Variants in SNX10 observed in about 807,000 individuals in gnomAD.
SNX10 encodes the protein sorting nexin-10.
A neutral mutation model predicts 28.5 loss-of-function variants in SNX10; 25 were observed. The ratio of observed to expected loss-of-function variants is 0.88; its 90% CI spans 0.64 to 1.22. The LOEUF is 1.22. Ranked by LOEUF, SNX10 falls within the 50% of genes most tolerant of loss-of-function variation. The probability of loss-of-function intolerance (pLI) is 0.00; values close to 1 mark genes in which losing one functional copy is unlikely to be tolerated. For missense variants in SNX10, 223 were observed against 242.6 expected, an observed-to-expected ratio of 0.92 and a Z score of 0.54; for synonymous variants, 62 against 81.4, an observed-to-expected ratio of 0.76 and a Z score of 1.28.
At chr7:26,335,447 G>T (rs1041943649) in intron 1 of SNX10, among the ~76,000 whole-genome samples, 1 of 152,160 alleles carries the variant, frequency 6.6e-6, no homozygotes, top group Non-Finnish European at 1.5e-5. Flanking sequence ...GTGCCAGGCT[G>T]TGCCCTAGGT....
chr7:26,306,015 C>G (rs899227834), intron 1 of SNX10, among the ~76,000 whole-genome samples: 1 of 152,170 alleles, frequency 6.6e-6, no homozygotes, highest in African/African-American at 2.4e-5. Flanking sequence ...GTGCCTCAGC[C>G]TCTGGAGTAG....
At chr7:26,295,989 G>T (rs1205395545) in intron 1 of SNX10, among the ~76,000 whole-genome samples, 1 of 152,218 alleles carries the variant, frequency 6.6e-6, no homozygotes, top group Admixed American at 6.5e-5. Flanking sequence ...AATTCCCTGG[G>T]CCGGGTGTGG....
rs539429634 is a variant in SNX10, at chr7:26,318,782, T to C, written c.-24+26696T>C. On this transcript the variant is annotated intron_variant, in intron 1 of 6. Transcript: ENST00000338523. ...CACTACACCCAGCCCATACTTAATT[T>C]TTCTTGTATACTTAATTTTTCTTGT... 1.6e-4 allele frequency among the ~76,000 whole-genome samples: 25 copies of C among 152,332 alleles called. No homozygotes were observed. The South Asian group carries it at 3.7e-3, about 23-fold the overall frequency.
chr7:26,301,019 CAAAAAAAAA>C (rs1170123330), intron 1 of SNX10, among the ~76,000 whole-genome samples: 1 of 9,968 alleles, frequency 1.0e-4, no homozygotes, highest in African/African-American at 1.9e-4. Context: ...ACTCTGTCTC[CAAAAAAAAA>C]AAAAAAAAAA....
intron 1 of SNX10, among the ~76,000 whole-genome samples, chr7:26,323,903 T>C (rs1787401052): frequency 6.6e-6 from 1 of 152,176 alleles, no homozygotes; most frequent in Non-Finnish European, 1.5e-5. Flanking sequence ...AAATCAGTGC[T>C]CCGTAAATAA....
chr7:26,346,534 T>A (rs3801890), intron 2 of SNX10, 68 bp downstream of exon 2: 2 of 1,220,976 alleles, frequency 1.6e-6, no homozygotes, highest in Non-Finnish European at 2.4e-6. Flanking sequence ...GTTCTTCATT[T>A]GCGAACCATA....
At chr7:26,319,687 T>G (rs569100415) in intron 1 of SNX10, among the ~76,000 whole-genome samples, 15 of 152,344 alleles carry the variant, frequency 9.8e-5, no homozygotes, top group African/African-American at 3.6e-4. Context: ...TCTGCAGTTC[T>G]TATTTTGTTT....
chr7:26,318,151 A>C (rs1325427655), intron 1 of SNX10, among the ~76,000 whole-genome samples: 1 of 152,208 alleles, frequency 6.6e-6, no homozygotes, highest in Non-Finnish European at 1.5e-5. Flanking sequence ...GATGGTAGTC[A>C]ATCTTGAATA....
Position 26,295,327 on chromosome 7 carries a change from G to T in SNX10, c.-24+3241G>T, listed in dbSNP as rs116913309. On this transcript the variant is annotated intron_variant, in intron 1 of 6. Transcript: ENST00000338523. ...TCCACCCACCTCAGCCTCCCAAAGT[G>T]CTGGGATTACAGGTGTGAGCTACTG... 3.3e-4 allele frequency among the ~76,000 whole-genome samples: 50 copies of T among 152,182 alleles called. 1 individual carries two copies. In the East Asian group the frequency reaches 8.7e-3, roughly 26 times the overall value.
At chr7:26,324,879 A>G (rs28443172) in intron 1 of SNX10, among the ~76,000 whole-genome samples, 22 of 152,324 alleles carry the variant, frequency 1.4e-4, no homozygotes, top group African/African-American at 4.1e-4. Context: ...AAATACGTAA[A>G]AAGAATGATC....
chr7:26,322,796 C>T (rs1787358540), intron 1 of SNX10, among the ~76,000 whole-genome samples: 1 of 152,188 alleles, frequency 6.6e-6, no homozygotes, highest in Non-Finnish European at 1.5e-5. Context: ...CTCATTCATT[C>T]TGCAGTTATT....
intron 1 of SNX10, among the ~76,000 whole-genome samples, chr7:26,322,970 G>A (rs545322220): frequency 1.3e-5 from 2 of 152,096 alleles, no homozygotes; most frequent in South Asian, 2.1e-4. Context: ...ATAGTGGACC[G>A]GGTACGGTGG....
At chr7:26,350,868 G>A (rs138450724) in intron 2 of SNX10, among the ~76,000 whole-genome samples, 18 of 152,236 alleles carry the variant, frequency 1.2e-4, no homozygotes, top group African/African-American at 3.4e-4. Context: ...CATTCTGAGC[G>A]CTACATTAGT....
intron 1 of SNX10, among the ~76,000 whole-genome samples, chr7:26,307,328 C>G (rs1056329955): frequency 2.0e-5 from 3 of 152,234 alleles, no homozygotes; most frequent in Non-Finnish European, 4.4e-5. Context: ...AAACAGCCCC[C>G]CTTTTCCAAC....
At chr7:26,296,166 A>C (rs1245860930) in intron 1 of SNX10, among the ~76,000 whole-genome samples, 1 of 152,104 alleles carries the variant, frequency 6.6e-6, no homozygotes, top group Non-Finnish European at 1.5e-5. Flanking sequence ...AATAACCCCC[A>C]AATTCCCTGA....
chr7:26,304,591 C>G (rs535547853), intron 1 of SNX10, among the ~76,000 whole-genome samples: 1 of 152,210 alleles, frequency 6.6e-6, no homozygotes. Flanking sequence ...GTCCTGGAAC[C>G]TTGAAAGAAG....
rs1430640459 is a variant in SNX10, at chr7:26,364,833, C to T, written c.212+198C>T. On this transcript the variant is annotated intron_variant, in intron 4 of 6. Coordinates refer to ENST00000338523, the MANE Select transcript of SNX10 (RefSeq NM_013322.3). This position sits in a 1 kb window ranked among gnomAD's most constrained non-coding sequence, Gnocchi z 4.9. ...TTTCACCAACTTTGATGGGTATAGG[C>T]CATGAAAGGCCTCAGAAATGTTTAA... Among the ~76,000 whole-genome samples, 1 of 151,976 alleles carries T rather than the reference C, an allele frequency of 6.6e-6. No homozygotes were observed. The highest frequency in any genetic ancestry group is 2.4e-5 in the African/African-American group (1 of 41,338).
chr7:26,346,593 C>A, intron 2 of SNX10, 127 bp downstream of exon 2: 1 of 749,076 alleles, frequency 1.3e-6, no homozygotes. Flanking sequence ...AAGGCCCACC[C>A]TCCTGTACCT....
intron 1 of SNX10, among the ~76,000 whole-genome samples, chr7:26,343,255 T>A (rs1368193059): frequency 2.0e-5 from 3 of 152,160 alleles, no homozygotes; most frequent in South Asian, 2.1e-4. Context: ...TTTGTTCACA[T>A]TACAGAGTCA....
Sources: gnomAD v4.1 joint callset for allele counts (sites outside exome capture counted in the v4.1 genomes callset) on GRCh38, gnomAD v4.1.1 for gene constraint, Gnocchi (gnomAD v3.1) non-coding constraint, MANE v1.5 for transcripts, NCBI Gene and HGNC (gene_info 2026-07-23, HGNC 2026-07-21) for gene names.